The following MYO16 variants were observed in gnomAD, a reference collection of about 807,000 sequenced individuals.
MYO16 encodes the protein myosin XVI.
Under a neutral mutation model 205.3 loss-of-function variants are expected in MYO16, and 94 were observed. The observed-to-expected ratio is 0.46, with a 90% CI of 0.39 to 0.54. The LOEUF is 0.54. Ranked by LOEUF, MYO16 falls within the 20% of genes least tolerant of loss-of-function variation. The probability of loss-of-function intolerance (pLI) is 0.00; values close to 1 mark genes in which losing one functional copy is unlikely to be tolerated. For missense variants in MYO16, 2,315 were observed against 2,387.5 expected (o/e 0.97, Z 0.63); for synonymous variants, 988 against 954.0 (o/e 1.04, Z -0.66).
the MYO16 span, among the ~76,000 whole-genome samples, chr13:108,579,096 G>A: frequency 1.3e-5 from 2 of 152,250 alleles, no homozygotes; most frequent in East Asian, 3.9e-4. Flanking sequence ...GGATGTTAGG[G>A]TAGAAAGACC....
chr13:109,070,006 C>G (rs1887877350), intron 27 of MYO16, among the ~76,000 whole-genome samples: 1 of 152,172 alleles, frequency 6.6e-6, no homozygotes, highest in South Asian at 2.1e-4. Flanking sequence ...ATTTAGAAAT[C>G]TGTCTCTAGT....
intron 23 of MYO16, among the ~76,000 whole-genome samples, chr13:109,022,705 TTA>T (rs1349451982): frequency 1.9e-5 from 2 of 103,130 alleles, no homozygotes; most frequent in African/African-American, 6.7e-5. Context: ...TATTTATATA[TTA>T]TATATACGCA....
At chr13:109,199,890 T>A (rs958139681) in intron 34 of MYO16, among the ~76,000 whole-genome samples, 3 of 152,232 alleles carry the variant, frequency 2.0e-5, no homozygotes, top group Admixed American at 6.5e-5. Flanking sequence ...AACACTGATT[T>A]ACATGATTTT....
At chr13:108,589,704 G>GTC in the MYO16 span, among the ~76,000 whole-genome samples, 480 of 151,610 alleles carry the variant, frequency 3.2e-3, 2 homozygotes, top group Non-Finnish European at 5.1e-3. Context: ...CTGTCTGTCT[G>GTC]TCTCTCTCTC....
At position 108,649,216 on chromosome 13, in the gene MYO16, A is replaced by G. The variant is rs188908515; in HGVS notation, c.29-16670A>G. Among the ~76,000 whole-genome samples the G allele has an allele frequency of 3.0e-3, 437 of 144,238 alleles. 2 individuals are homozygous for G. The highest frequency in any genetic ancestry group is 6.0e-3 in the Admixed American group (90 of 14,896). 94.6% of individuals were successfully genotyped at this position (144,238 alleles called of 152,430 possible). A position where few individuals can be genotyped will look rare whatever the true frequency, so the allele number is the denominator to read the frequency against. The stretch of plus-strand genomic sequence containing the variant: ...TTGTGCACATGTCCCCTAAAACTTA[A>G]AGTATAATAAAAAAAATTCCAGTGT... On this transcript the variant is annotated intron_variant, in intron 1 of 34. Coordinates refer to ENST00000457511, the MANE Select transcript of MYO16 (RefSeq NM_001198950.3).
At chr13:108,699,662 C>T (rs1165224492) in intron 2 of MYO16, among the ~76,000 whole-genome samples, 6 of 152,110 alleles carry the variant, frequency 3.9e-5, no homozygotes, top group African/African-American at 9.7e-5. Flanking sequence ...TGACTGGTTT[C>T]GGTAAGCAGA....
At chr13:108,980,347 T>G (rs1205927541) in intron 20 of MYO16, among the ~76,000 whole-genome samples, 1 of 152,200 alleles carries the variant, frequency 6.6e-6, no homozygotes, top group Non-Finnish European at 1.5e-5. Flanking sequence ...CTGCTCTTGT[T>G]TCATTTCTAA....
the MYO16 span, among the ~76,000 whole-genome samples, chr13:108,563,483 C>T: frequency 2.0e-5 from 3 of 152,142 alleles, no homozygotes; most frequent in East Asian, 1.9e-4. Flanking sequence ...CCCCAACACA[C>T]TCTCCCACCA....
At chr13:109,057,348 A>G (rs913980240) in intron 27 of MYO16, among the ~76,000 whole-genome samples, 2 of 152,222 alleles carry the variant, frequency 1.3e-5, no homozygotes, top group East Asian at 3.8e-4. Context: ...TTTAAACTGT[A>G]GAATATGTAT....
rs780406187 is a variant in MYO16, at chr13:109,206,683, C to T, written c.5490C>T (p.Leu1830=). The T allele has an allele frequency of 1.5e-5, 25 of 1,614,046 alleles. No individual in the cohort carries two copies. In the Admixed American group the frequency reaches 1.8e-4, roughly 12 times the overall value. ...LQELLDWRRK[L]CEEGQDWQQI... Reference sequence around the variant, plus strand: ...AACTCTTGGACTGGAGGAGAAAGCTCTGTGAGGAAGGACAAGACTGGCAGC... The same window carrying T: ...AACTCTTGGACTGGAGGAGAAAGCTTTGTGAGGAAGGACAAGACTGGCAGC... Residue 1830 remains leucine (L), a synonymous_variant, in exon 35 of 35, where the codon CTC becomes CTT. Coordinates refer to ENST00000457511, the MANE Select transcript of MYO16 (RefSeq NM_001198950.3).
intron 33 of MYO16, among the ~76,000 whole-genome samples, chr13:109,168,676 G>T (rs1878797440): frequency 6.6e-6 from 1 of 152,150 alleles, no homozygotes; most frequent in Non-Finnish European, 1.5e-5. Flanking sequence ...AGTGAGCCCT[G>T]ATCGCGCCAC....
At chr13:108,604,497 T>C (rs955952693) in intron 1 of MYO16, among the ~76,000 whole-genome samples, 1 of 152,152 alleles carries the variant, frequency 6.6e-6, no homozygotes, top group African/African-American at 2.4e-5. Flanking sequence ...ATTGCAATGG[T>C]GATAGCACAA....
chr13:108,922,473 A>G (rs566949860), intron 16 of MYO16, among the ~76,000 whole-genome samples: 4 of 152,198 alleles, frequency 2.6e-5, no homozygotes, highest in Admixed American at 2.0e-4. Flanking sequence ...AAAAAATTCC[A>G]TTCTCATGGC....
At chr13:109,010,953 A>AATATTATATATATATAT (rs1194730739) in intron 22 of MYO16, among the ~76,000 whole-genome samples, 17 of 131,272 alleles carry the variant, frequency 1.3e-4, no homozygotes, top group African/African-American at 4.7e-4. Context: ...TATTACATAT[A>AATATTATATATATATAT]ATATTATATA....
intron 1 of MYO16, among the ~76,000 whole-genome samples, chr13:108,609,887 A>G (rs1347290497): frequency 6.6e-6 from 1 of 152,154 alleles, no homozygotes; most frequent in African/African-American, 2.4e-5. Context: ...GGCTAGAAGG[A>G]ACACCACTAC....
chr13:108,788,127 C>T (rs911784302), intron 5 of MYO16, among the ~76,000 whole-genome samples: 12 of 152,100 alleles, frequency 7.9e-5, no homozygotes, highest in South Asian at 2.1e-4. Flanking sequence ...TTTCATTTTG[C>T]GTTGTGCAGT....
chr13:108,622,629 A>G, intron 1 of MYO16, among the ~76,000 whole-genome samples: 1 of 143,162 alleles, frequency 7.0e-6, no homozygotes. Flanking sequence ...GGAGGAAGAG[A>G]AAAGGAGGAG....
At chr13:108,713,699 A>G (rs1883812341) in intron 3 of MYO16, among the ~76,000 whole-genome samples, 1 of 152,234 alleles carries the variant, frequency 6.6e-6, no homozygotes, top group African/African-American at 2.4e-5. Flanking sequence ...GGCTCAAGAG[A>G]TCTGGAATGC....
In MYO16 at chr13:109,055,164, G is replaced by A. The variant is rs763209455; in HGVS notation, c.3129+38G>A. The A allele has an allele frequency of 1.4e-6, 2 of 1,474,666 alleles. No individual in the cohort carries two copies. Among genetic ancestry groups the A allele is most frequent in the Non-Finnish European group, 1.8e-6 (2 of 1,082,080 alleles). 91.3% of individuals were successfully genotyped at this position (1,474,666 alleles called of 1,614,324 possible). A position where few individuals can be genotyped will look rare whatever the true frequency, so the allele number is the denominator to read the frequency against. On this transcript the variant is annotated intron_variant, in intron 26 of 34. Coordinates refer to ENST00000457511, the MANE Select transcript of MYO16 (RefSeq NM_001198950.3). The surrounding 1 kb of genome is among the most constrained non-coding windows in gnomAD (Gnocchi z 5.0). ...TTCAGATTTCAAAAACTTAATGTATGTTTATAGCAACTAAAGAGGGTTTAT... is the reference window on the plus strand; with the variant it reads ...TTCAGATTTCAAAAACTTAATGTATATTTATAGCAACTAAAGAGGGTTTAT...
Sources: gnomAD v4.1 joint callset for allele counts (sites outside exome capture counted in the v4.1 genomes callset) on GRCh38, gnomAD v4.1.1 for gene constraint, Gnocchi (gnomAD v3.1) non-coding constraint, MANE v1.5 for transcripts, NCBI Gene and HGNC (gene_info 2026-07-23, HGNC 2026-07-21) for gene names.